The following DHX34 variants were observed in gnomAD, a reference collection of about 807,000 sequenced individuals.
DHX34 encodes the protein probable ATP-dependent RNA helicase DHX34.
DHX34 carries 96 observed loss-of-function variants against 111.1 expected under a neutral mutation model. That is an observed-to-expected ratio of 0.86 (90% CI 0.73 to 1.02). The LOEUF is 1.02. DHX34 is among the 50% of genes least tolerant of loss of function. The probability of loss-of-function intolerance (pLI) is 0.00; values close to 1 mark genes in which losing one functional copy is unlikely to be tolerated. For synonymous variants in DHX34, 688 were observed against 670.4 expected (o/e 1.03, Z -0.41); for missense variants, 1,560 against 1,579.9 (o/e 0.99, Z 0.21).
At chr19:47,352,281 T>C (rs935753764) in intron 1 of DHX34, among the ~76,000 whole-genome samples, 1 of 152,208 alleles carries the variant, frequency 6.6e-6, no homozygotes, top group Non-Finnish European at 1.5e-5. Context: ...GTGTGTCACA[T>C]GAGAGATCAT....
At chr19:47,379,379 C>G (rs963886555) in intron 13 of DHX34, among the ~76,000 whole-genome samples, 5 of 152,168 alleles carry the variant, frequency 3.3e-5, no homozygotes, top group African/African-American at 1.2e-4. Context: ...AGCGTGTGCT[C>G]AGGGTCTGGG....
intron 7 of DHX34, among the ~76,000 whole-genome samples, chr19:47,368,411 A>G (rs2122291958): frequency 7.4e-6 from 1 of 135,890 alleles, no homozygotes; most frequent in Admixed American, 8.6e-5. Flanking sequence ...AGTTCAAGCG[A>G]TTCTCCTGCC....
chr19:47,381,901 C>T, intron 16 of DHX34, 79 bp from the exon 17 acceptor site: 2 of 1,597,858 alleles, frequency 1.3e-6, no homozygotes, highest in Non-Finnish European at 1.7e-6. Flanking sequence ...CTGAGCCCCA[C>T]AGGTGCCTGG....
chr19:47,375,461 C>T lies in DHX34; in HGVS notation c.2065-5C>T, dbSNP rs544268974. 7.6e-6 allele frequency: 12 copies of T among 1,581,830 alleles called. No homozygotes were observed. The East Asian group carries it at 2.5e-4, about 33-fold the overall frequency. On this transcript the variant is annotated splice_region_variant and splice_polypyrimidine_tract_variant and intron_variant, in intron 9 of 16. Coordinates refer to ENST00000328771, the MANE Select transcript of DHX34 (RefSeq NM_014681.6). ...AGGCCCTCACCCCTACCCACCTGCCCCTAGGAGCTGTTGGAGGACCACGGG... is the reference window on the plus strand; with the variant it reads ...AGGCCCTCACCCCTACCCACCTGCCTCTAGGAGCTGTTGGAGGACCACGGG...
At chr19:47,354,989 G>T in intron 2 of DHX34, 50 bp from the exon 3 acceptor site, 1 of 1,593,854 alleles carries the variant, frequency 6.3e-7, no homozygotes, top group South Asian at 1.1e-5. Flanking sequence ...GCCAGGGGCT[G>T]GTACCCAGGC....
At chr19:47,360,504 G>A (rs1038471492) in intron 5 of DHX34, among the ~76,000 whole-genome samples, 4 of 152,056 alleles carry the variant, frequency 2.6e-5, no homozygotes, top group African/African-American at 9.7e-5. Context: ...TCTCTCTGCC[G>A]AGAGCTGTCT....
At position 47,379,992 on chromosome 19, in the gene DHX34, T is replaced by TC; in HGVS notation, c.2982+9dup. ...GCAATTCACGGCATCCAAGGTACCCTCCACCAGGGTGCCCGTGCCTCCCTA... is the reference window on the plus strand; with the variant it reads ...GCAATTCACGGCATCCAAGGTACCCTCCCACCAGGGTGCCCGTGCCTCCCTA... On this transcript the variant is annotated splice_region_variant and intron_variant, in intron 14 of 16. Coordinates refer to ENST00000328771, the MANE Select transcript of DHX34 (RefSeq NM_014681.6). The TC allele has an allele frequency of 6.4e-7, 1 of 1,570,792 alleles. No homozygotes were observed. The highest frequency in any genetic ancestry group is 8.7e-7 in the Non-Finnish European group (1 of 1,150,102).
chr19:47,362,436 T>C (rs906355252), intron 5 of DHX34, 40 bp from the exon 6 acceptor site: 3 of 1,483,812 alleles, frequency 2.0e-6, no homozygotes, highest in African/African-American at 2.8e-5. Flanking sequence ...TGCACGTGGC[T>C]GCCACACACA....
intron 12 of DHX34, chr19:47,376,839 C>G (rs1240244255): frequency 1.9e-5 from 29 of 1,530,934 alleles, no homozygotes; most frequent in Non-Finnish European, 2.4e-5. Flanking sequence ...CCTATGGACT[C>G]TGTGAGCTCC....
chr19:47,379,313 C>T (rs905295490), intron 13 of DHX34, among the ~76,000 whole-genome samples: 19 of 151,974 alleles, frequency 1.3e-4, no homozygotes, highest in African/African-American at 4.6e-4. Context: ...TTTTCCCCAA[C>T]ATCTTATGAG....
At chr19:47,372,209 A>G (rs1244409273) in intron 7 of DHX34, among the ~76,000 whole-genome samples, 3 of 149,370 alleles carry the variant, frequency 2.0e-5, no homozygotes, top group Non-Finnish European at 4.5e-5. Flanking sequence ...TTCCACTTCC[A>G]CCTTGACCTA....
At chr19:47,349,722 C>T (rs16972147) in intron 1 of DHX34, among the ~76,000 whole-genome samples, 18,305 of 151,958 alleles carry the variant, frequency 0.12, 1,217 homozygotes, top group Middle Eastern at 0.18. Context: ...GGCGTGGTCG[C>T]CCATGAACTT....
rs1455354398 is a variant in DHX34, at chr19:47,353,670, C to T, written c.640C>T (p.Arg214Trp). ...FSHVACTQPR[R>W]IACISLAKRV... ...TCATGTGGCGTGCACCCAGCCCCGG[C>T]GGATCGCCTGCATCTCACTGGCCAA... is the stretch of plus-strand genomic sequence containing the variant. The change falls in exon 2 of 17, where the codon CGG (arginine) becomes TGG (tryptophan). Residue 214 changes from arginine (R) to tryptophan (W), a missense_variant. Arg to Trp is a moderately radical substitution (Grantham distance 101). Transcript: ENST00000328771. The surrounding 1 kb of genome is among the most constrained non-coding windows in gnomAD (Gnocchi z 4.6). The T allele has an allele frequency of 3.1e-6, 5 of 1,612,176 alleles. No homozygotes were observed. The highest frequency in any genetic ancestry group is 2.7e-5 in the African/African-American group (2 of 74,912).
chr19:47,351,135 T>A (rs1367141235), intron 1 of DHX34, among the ~76,000 whole-genome samples: 2 of 151,848 alleles, frequency 1.3e-5, no homozygotes, highest in Non-Finnish European at 2.9e-5. Flanking sequence ...GCATAAGCAG[T>A]TTCTAGCCTC....
chr19:47,358,221 C>T, intron 4 of DHX34, 101 bp downstream of exon 4: 1 of 1,477,946 alleles, frequency 6.8e-7, no homozygotes, highest in Non-Finnish European at 9.0e-7. Context: ...GGCTCGGGGG[C>T]TGTACTTGTG....
intron 5 of DHX34, 25 bp from the exon 6 acceptor site, chr19:47,362,451 C>G (rs1484049994): frequency 3.3e-6 from 5 of 1,530,024 alleles, no homozygotes; most frequent in Non-Finnish European, 4.4e-6. Context: ...CACACAGACT[C>G]CCTTTCCTCA....
rs763964960 is a variant in DHX34, at chr19:47,375,644, G to T, written c.2243G>T (p.Gly748Val). Residue 748 changes from glycine to valine, a missense_variant, in exon 10 of 17, where the codon GGC (glycine) becomes GTC (valine). Transcript: ENST00000328771. ...VLRLQEEQDG[G>V]SSDEDRAGPA... ...CGGCTGCAGGAGGAGCAGGACGGCG[G>T]CTCCAGTGACGAGGACAGGGCTGGC... is the stretch of plus-strand genomic sequence containing the variant. The T allele has an allele frequency of 6.4e-7, 1 of 1,554,352 alleles. No individual in the cohort carries two copies. The highest frequency in any genetic ancestry group is 1.4e-5 in the African/African-American group (1 of 73,680).
intron 13 of DHX34, among the ~76,000 whole-genome samples, chr19:47,379,150 T>TAAG (rs1190309313): frequency 1.4e-4 from 21 of 149,736 alleles, no homozygotes; most frequent in African/African-American, 3.9e-4. Context: ...AAATTAATAA[T>TAAG]AATAATAATA....
rs1599746947 is a variant in DHX34, at chr19:47,349,353, G to C, written c.-278+1G>C. 1 of 152,606 alleles carries C rather than the reference G, an allele frequency of 6.6e-6. No homozygotes were observed. Among genetic ancestry groups the C allele is most frequent in the Admixed American group, 6.5e-5 (1 of 15,270 alleles). 9.5% of individuals were successfully genotyped at this position (152,606 alleles called of 1,614,324 possible). On this transcript the variant is annotated splice_donor_variant, in intron 1 of 16. Coordinates refer to ENST00000328771, the MANE Select transcript of DHX34 (RefSeq NM_014681.6). LOFTEE classifies it low-confidence loss of function (5UTR_SPLICE). ...GAAGTTAAGGCGTTCGCGGCGTGTG[G>C]TAAGTGAGGGGGGCGGGACGGGTGT... is the stretch of plus-strand genomic sequence containing the variant.
Sources: gnomAD v4.1 joint callset for allele counts (sites outside exome capture counted in the v4.1 genomes callset) on GRCh38, gnomAD v4.1.1 for gene constraint, Gnocchi (gnomAD v3.1) non-coding constraint, MANE v1.5 for transcripts, NCBI Gene and HGNC (gene_info 2026-07-23, HGNC 2026-07-21) for gene names.